Variants in IKBKB observed in about 807,000 individuals in gnomAD.
IKBKB encodes the protein inhibitor of nuclear factor kappa B kinase subunit beta.
Under a neutral mutation model 113.6 loss-of-function variants are expected in IKBKB, and 42 were observed. The ratio of observed to expected loss-of-function variants is 0.37; its 90% CI spans 0.29 to 0.48. IKBKB has a LOEUF of 0.48. Ranked by LOEUF, IKBKB falls within the 20% of genes least tolerant of loss-of-function variation. The pLI is 0.99. For missense variants in IKBKB, 673 were observed against 939.7 expected, an observed-to-expected ratio of 0.72 and a Z score of 3.71; for synonymous variants, 296 against 361.3, an observed-to-expected ratio of 0.82 and a Z score of 2.05.
chr8:42,312,702 G>T (rs1817942030), intron 8 of IKBKB, among the ~76,000 whole-genome samples: 1 of 152,156 alleles, frequency 6.6e-6, no homozygotes, highest in South Asian at 2.1e-4. Flanking sequence ...AGAAAGTCTT[G>T]GAGCCCCCGA....
chr8:42,305,769 G>A (rs1349858409), intron 6 of IKBKB, among the ~76,000 whole-genome samples: 3 of 152,182 alleles, frequency 2.0e-5, no homozygotes, highest in Admixed American at 6.5e-5. Context: ...GGTGTTGACT[G>A]CCCCACAAGC....
At chr8:42,323,361 T>C (rs1820136331) in intron 19 of IKBKB, among the ~76,000 whole-genome samples, 1 of 152,218 alleles carries the variant, frequency 6.6e-6, no homozygotes, top group Non-Finnish European at 1.5e-5. Flanking sequence ...ACGCTTTCTG[T>C]GCACACCGTC....
chr8:42,320,857 T>C lies in IKBKB; in HGVS notation c.1688+13T>C. The C allele has an allele frequency of 6.4e-7, 1 of 1,552,718 alleles. No homozygotes were observed. Among genetic ancestry groups the C allele is most frequent in the South Asian group, 1.2e-5 (1 of 82,730 alleles). On this transcript the variant is annotated intron_variant, in intron 16 of 21. Coordinates refer to ENST00000520810, the MANE Select transcript of IKBKB (RefSeq NM_001556.3). ...CGCTGGACGACCTGTGAGTACTGGC[T>C]GGGGGGCCCCTCTGTGCCCAGCACA...
chr8:42,316,440 G>T lies in IKBKB; in HGVS notation c.930+101G>T. On this transcript the variant is annotated intron_variant, in intron 10 of 21. Coordinates refer to ENST00000520810, the MANE Select transcript of IKBKB (RefSeq NM_001556.3). This position sits in a 1 kb window ranked among gnomAD's most constrained non-coding sequence, Gnocchi z 4.5. Reference sequence around the variant, plus strand: ...AGGGGATGGGGCCAGCTGACCTAGTGAGGAAATTTAGGCTCCTGCATCAGT... The same window carrying T: ...AGGGGATGGGGCCAGCTGACCTAGTTAGGAAATTTAGGCTCCTGCATCAGT... The T allele has an allele frequency of 7.0e-7, 1 of 1,435,178 alleles. No individual in the cohort carries two copies. The allele number at this position is 1,435,178 out of a possible 1,614,324, so 88.9% of individuals were successfully genotyped here. A position where few individuals can be genotyped will look rare whatever the true frequency, so the allele number is the denominator to read the frequency against.
chr8:42,317,010 A>G, intron 11 of IKBKB, 106 bp downstream of exon 11: 1 of 1,084,284 alleles, frequency 9.2e-7, no homozygotes, highest in Non-Finnish European at 1.4e-6. Context: ...TAGTCTGTTA[A>G]TCACACAGTG....
intron 15 of IKBKB, 63 bp from the exon 16 acceptor site, chr8:42,320,672 C>T: frequency 5.1e-6 from 7 of 1,364,302 alleles, no homozygotes; most frequent in Non-Finnish European, 7.3e-6. Flanking sequence ...CGCTCCCCCG[C>T]AGATCTTGCA....
intron 8 of IKBKB, among the ~76,000 whole-genome samples, chr8:42,310,734 A>G (rs993344815): frequency 2.6e-5 from 4 of 152,222 alleles, no homozygotes; most frequent in African/African-American, 9.7e-5. Context: ...AACAATCACT[A>G]TGAACAGTTG....
At position 42,318,687 on chromosome 8, in the gene IKBKB, G is replaced by C. The variant is rs777450153; in HGVS notation, c.1364+12G>C. Reference sequence around the variant, plus strand: ...CAGCGAGCCGCCATGTAGCGTGCCAGGCTTTTTTTTTAAACTTAATTTATT... The same window carrying C: ...CAGCGAGCCGCCATGTAGCGTGCCACGCTTTTTTTTTAAACTTAATTTATT... On this transcript the variant is annotated intron_variant, in intron 13 of 21. Transcript: ENST00000520810. The C allele has an allele frequency of 6.3e-7, 1 of 1,581,578 alleles. No individual in the cohort carries two copies. The highest frequency in any genetic ancestry group is 8.6e-7 in the Non-Finnish European group (1 of 1,165,268).
At chr8:42,320,679 T>G in intron 15 of IKBKB, 56 bp from the exon 16 acceptor site, 2 of 1,417,744 alleles carry the variant, frequency 1.4e-6, no homozygotes, top group Non-Finnish European at 2.0e-6. Flanking sequence ...CCGCAGATCT[T>G]GCATCTCAGC....
chr8:42,313,539 C>T (rs10088780), intron 8 of IKBKB, among the ~76,000 whole-genome samples: 1,904 of 152,226 alleles, frequency 0.013, 42 homozygotes, highest in African/African-American at 0.044. Context: ...TAGCTGTGTA[C>T]ATTTAGAGGG....
At chr8:42,319,502 T>G (rs1289538091) in intron 14 of IKBKB, 81 bp downstream of exon 14, 1 of 1,590,976 alleles carries the variant, frequency 6.3e-7, no homozygotes. Flanking sequence ...TGTCCTATTA[T>G]AATTGAGTTG....
chr8:42,325,595 C>T (rs1013803700), intron 19 of IKBKB: 1 of 867,606 alleles, frequency 1.2e-6, no homozygotes, highest in African/African-American at 1.8e-5. Flanking sequence ...AGGAGAATCG[C>T]TTAAACCCCG....
intron 20 of IKBKB, 92 bp downstream of exon 20, chr8:42,326,189 G>C: frequency 1.4e-6 from 2 of 1,450,374 alleles, no homozygotes. Context: ...ATGTCTGTCT[G>C]ATGGTATTAC....
At chr8:42,329,875 C>T in intron 21 of IKBKB, 1 of 985,384 alleles carries the variant, frequency 1.0e-6, no homozygotes, top group Non-Finnish European at 1.2e-6. Flanking sequence ...CTTTACATGG[C>T]CTTTACCTGC....
At chr8:42,292,947 C>T (rs1446015093) in intron 4 of IKBKB, among the ~76,000 whole-genome samples, 1 of 152,136 alleles carries the variant, frequency 6.6e-6, no homozygotes, top group Non-Finnish European at 1.5e-5. Flanking sequence ...CTTTGCTGAG[C>T]TAATCTGTGC....
chr8:42,278,129 G>T (rs533238760), intron 2 of IKBKB, among the ~76,000 whole-genome samples: 2 of 152,288 alleles, frequency 1.3e-5, no homozygotes, highest in South Asian at 4.1e-4. Flanking sequence ...TTGAACTGAG[G>T]CCCTAGTAGA....
chr8:42,319,539 T>A (rs748715554), intron 14 of IKBKB, 46 bp from the exon 15 acceptor site: 9 of 1,580,518 alleles, frequency 5.7e-6, no homozygotes, highest in Non-Finnish European at 8.6e-7. Context: ...TTTTGTGGTG[T>A]TTTTATTTTG....
In IKBKB at chr8:42,286,917, C is replaced by T. The variant is rs566024093; in HGVS notation, c.106-1717C>T. On this transcript the variant is annotated intron_variant, in intron 2 of 21. Transcript: ENST00000520810. ...TGTGGCTCTTGCCCAGGTGTGTGTG[C>T]GGGTAGGGAGTTTCGTGCTGTAGGT... Among the ~76,000 whole-genome samples the T allele has an allele frequency of 9.9e-5, 15 of 152,204 alleles. No individual in the cohort carries two copies. The South Asian group carries it at 2.7e-3, about 27-fold the overall frequency.
intron 15 of IKBKB, chr8:42,320,170 T>G (rs1029660553): frequency 6.3e-6 from 1 of 157,690 alleles, no homozygotes; most frequent in Non-Finnish European, 1.4e-5. Context: ...CCTGGACTTA[T>G]CCTCTGTTTT....
Sources: allele counts gnomAD v4.1 joint callset (sites outside exome capture counted in the v4.1 genomes callset), GRCh38; gene constraint gnomAD v4.1.1; non-coding constraint Gnocchi (gnomAD v3.1); transcripts MANE v1.5; gene names NCBI Gene and HGNC (gene_info 2026-07-23, HGNC 2026-07-21).